Variants in LAMA5 observed in about 807,000 individuals in gnomAD.
LAMA5 encodes laminin subunit alpha 5.
Under a neutral mutation model 433.4 loss-of-function variants are expected in LAMA5, and 260 were observed. That is an observed-to-expected ratio of 0.60 (90% CI 0.54 to 0.66). LAMA5 has a LOEUF of 0.66. Ranked by LOEUF, LAMA5 falls within the 30% of genes least tolerant of loss-of-function variation. LAMA5 has a pLI of 0.00. For missense variants in LAMA5, 5,378 were observed against 5,258.5 expected (o/e 1.02, Z -0.70); for synonymous variants, 2,620 against 2,226.6 (o/e 1.18, Z -4.97).
chr20:62,317,193 G>T, intron 55 of LAMA5, 152 bp downstream of exon 55: 1 of 1,153,036 alleles, frequency 8.7e-7, no homozygotes, highest in Non-Finnish European at 1.2e-6. Context: ...TGTCACTCTG[G>T]GCCCCAGCTT....
chr20:62,351,368 C>A, intron 6 of LAMA5: 1 of 462,932 alleles, frequency 2.2e-6, no homozygotes, highest in Non-Finnish European at 3.9e-6. Flanking sequence ...CCATTGCTGA[C>A]TCCCCTCCAC....
chr20:62,317,016 G>A lies in LAMA5; in HGVS notation c.7519C>T (p.Leu2507=), dbSNP rs753894965. 20 of 1,528,712 alleles carry A rather than the reference G, an allele frequency of 1.3e-5. No homozygotes were observed. Among genetic ancestry groups the A allele is most frequent in the East Asian group, 2.3e-5 (1 of 43,766 alleles). The allele number at this position is 1,528,712 out of a possible 1,614,324, so 94.7% of individuals were successfully genotyped here. Residue 2507 remains leucine, a synonymous_variant, in exon 56 of 80, where the codon CTG becomes TTG. Coordinates refer to ENST00000252999, the MANE Select transcript of LAMA5 (RefSeq NM_005560.6). Reference sequence around the variant, plus strand: ...GTGAGGCGGTCCTGGTTGACGTCCAGGATGATGCTGCAGCGGAAGGGAGGG... The same window carrying A: ...GTGAGGCGGTCCTGGTTGACGTCCAAGATGATGCTGCAGCGGAAGGGAGGG... ...QLALNLSSII[L]DVNQDRLTQR...
chr20:62,333,988 C>G lies in LAMA5; in HGVS notation c.2791G>C (p.Val931Leu). The G allele has an allele frequency of 6.2e-7, 1 of 1,612,912 alleles. No homozygotes were observed. The highest frequency in any genetic ancestry group is 8.5e-7 in the Non-Finnish European group (1 of 1,179,864). ...NLTSPDLFWL[V>L]FRYVNRGAMS... ...GCCCCCCGGTTGACGTATCGGAAGA[C>G]GAGCCAGAAAAGGTCAGGGGAGGTC... The change falls in exon 23 of 80, where the codon GTC becomes CTC. Residue 931 changes from valine (V) to leucine (L), a missense_variant. Transcript: ENST00000252999.
rs190401499 is a variant in LAMA5 at position 62,323,849 on chromosome 20, C to T, written c.5776G>A (p.Glu1926Lys). The T allele has an allele frequency of 4.9e-5, 78 of 1,605,390 alleles. No individual in the cohort carries two copies. In the East Asian group the frequency reaches 7.2e-4, roughly 15 times the overall value. The change falls in exon 44 of 80, where the codon GAG becomes AAG. Residue 1926 changes from glutamate (E) to lysine (K), a missense_variant. Physicochemically the swap from Glu to Lys is moderately conservative, Grantham distance 56 (BLOSUM62 1). Coordinates refer to ENST00000252999, the MANE Select transcript of LAMA5 (RefSeq NM_005560.6). ...CGGCCGCCTCGCAGGACACAGCCCT[C>T]GGCGAAGCTGCAAAGACCAGCAGCG... The part of the protein sequence containing the change: ...PLSVPSNNFA[E>K]GCVLRGGRTQ...
At chr20:62,332,272 TG>T (rs1980611633) in intron 28 of LAMA5, 99 bp downstream of exon 28, 1 of 838,090 alleles carries the variant, frequency 1.2e-6, no homozygotes, top group African/African-American at 1.7e-5. Flanking sequence ...GTGGCCGCCT[TG>T]GGGACCTGGG....
intron 40 of LAMA5, 63 bp downstream of exon 40, chr20:62,326,614 C>A: frequency 7.4e-7 from 1 of 1,357,760 alleles, no homozygotes; most frequent in South Asian, 1.2e-5. Flanking sequence ...GGGACCCCTT[C>A]CGGCCTTCCC....
intron 38 of LAMA5, 68 bp downstream of exon 38, chr20:62,327,165 G>T: frequency 7.1e-7 from 1 of 1,404,388 alleles, no homozygotes; most frequent in Non-Finnish European, 9.4e-7. Context: ...CCCGCTCCTG[G>T]CTCCCAACCC....
In LAMA5 at chr20:62,312,300, G is replaced by C. The variant is rs149357675; in HGVS notation, c.9377C>G (p.Thr3126Ser). Reference protein sequence around the residue: ...TADLLVGRAMTFHGHGFLRLA... With the variant: ...TADLLVGRAMSFHGHGFLRLA... ...GCGAAGGAAGCCGTGGCCATGGAAAGTCATGGCGCGCCCCACCTGCGGGGA... is the reference window on the plus strand; with the variant it reads ...GCGAAGGAAGCCGTGGCCATGGAAACTCATGGCGCGCCCCACCTGCGGGGA... The change falls in exon 69 of 80, where the codon ACT (threonine) becomes AGT (serine). Residue 3126 changes from threonine (T) to serine (S), a missense_variant. By Grantham distance (58) the Thr-to-Ser change is moderately conservative. Transcript: ENST00000252999. 4.6e-5 allele frequency: 74 copies of C among 1,610,208 alleles called. No individual in the cohort carries two copies. The highest frequency in any genetic ancestry group is 5.9e-5 in the Non-Finnish European group (70 of 1,179,468).
intron 18 of LAMA5, among the ~76,000 whole-genome samples, chr20:62,335,698 A>G (rs1349553132): frequency 1.1e-5 from 1 of 92,534 alleles, no homozygotes; most frequent in Non-Finnish European, 2.1e-5. Flanking sequence ...ACACACTAAC[A>G]CCCCCTCCAG....
At chr20:62,355,864 G>A (rs946045954) in intron 2 of LAMA5, among the ~76,000 whole-genome samples, 4 of 152,048 alleles carry the variant, frequency 2.6e-5, no homozygotes, top group African/African-American at 9.7e-5. Flanking sequence ...GACACAGGCT[G>A]TTCTCGGGGA....
chr20:62,363,322 C>T (rs1265956989), intron 1 of LAMA5, among the ~76,000 whole-genome samples: 1 of 152,214 alleles, frequency 6.6e-6, no homozygotes, highest in Admixed American at 6.5e-5. Flanking sequence ...ACAGTAACTG[C>T]TGAGCCTCAA....
rs60260941 is a variant in LAMA5, at chr20:62,320,318, C to CAAAAA, written c.6759+236_6759+240dup. Among the ~76,000 whole-genome samples the CAAAAA allele has an allele frequency of 1.8e-4, 9 of 51,276 alleles. 1 individual carries two copies. Among genetic ancestry groups the CAAAAA allele is most frequent in the African/African-American group, 5.7e-4 (7 of 12,212 alleles). 33.6% of individuals were successfully genotyped at this position (51,276 alleles called of 152,430 possible). A position where few individuals can be genotyped will look rare whatever the true frequency, so the allele number is the denominator to read the frequency against. ...GGGCAACAAGAGCAAAACTGTGTCT[C>CAAAAA]AAAAAAAAAAAAAAAAAAAAAAAAA... On this transcript the variant is annotated intron_variant, in intron 50 of 79. Transcript: ENST00000252999.
chr20:62,359,596 T>C lies in LAMA5; in HGVS notation c.450+2804A>G, dbSNP rs1985732757. 1.3e-5 allele frequency among the ~76,000 whole-genome samples: 2 copies of C among 151,888 alleles called. No individual in the cohort carries two copies. The highest frequency in any genetic ancestry group is 2.9e-5 in the Non-Finnish European group (2 of 67,916). ...TGCAAGGAGATACGCAAGAACCCCCTAGAAGGACCCCCTGGGGAAGGTCAC... is the reference window on the plus strand; with the variant it reads ...TGCAAGGAGATACGCAAGAACCCCCCAGAAGGACCCCCTGGGGAAGGTCAC... On this transcript the variant is annotated intron_variant, in intron 2 of 79. Transcript: ENST00000252999. This position sits in a 1 kb window ranked among gnomAD's most constrained non-coding sequence, Gnocchi z 4.3.
At chr20:62,320,535 C>A (rs1274834544) in intron 50 of LAMA5, 24 bp downstream of exon 50, 4 of 1,556,580 alleles carry the variant, frequency 2.6e-6, no homozygotes, top group Non-Finnish European at 3.5e-6. Context: ...CTCCCGGGGC[C>A]CTGGGGGGTC....
intron 2 of LAMA5, among the ~76,000 whole-genome samples, chr20:62,353,857 C>T (rs1210568123): frequency 2.0e-5 from 3 of 152,154 alleles, no homozygotes; most frequent in Non-Finnish European, 4.4e-5. Context: ...GCCCACTGAG[C>T]CCCCAGGGAC....
At chr20:62,339,457 C>T (rs901714136) in intron 11 of LAMA5, among the ~76,000 whole-genome samples, 7 of 151,974 alleles carry the variant, frequency 4.6e-5, no homozygotes, top group Non-Finnish European at 8.8e-5. Context: ...AGGACGGTCT[C>T]CATCTCCTGA....
In LAMA5 at chr20:62,318,523, C is replaced by G; in HGVS notation, c.7170G>C (p.Arg2390=). The G allele has an allele frequency of 6.2e-7, 1 of 1,609,720 alleles. No homozygotes were observed. The highest frequency in any genetic ancestry group is 8.5e-7 in the Non-Finnish European group (1 of 1,179,030). ...GGGCCTCCCGTGTGGCGTCCACTGC[C>G]CGGTTCAAAGCCTCTCGCAGGTCCA... ...GLMDLREALN[R]AVDATREAQE... Residue 2390 remains arginine (R), a synonymous_variant, in exon 53 of 80, where the codon CGG becomes CGC. Coordinates refer to ENST00000252999, the MANE Select transcript of LAMA5 (RefSeq NM_005560.6).
intron 2 of LAMA5, among the ~76,000 whole-genome samples, chr20:62,360,612 G>GGATGGATA (rs1555886060): frequency 1.1e-5 from 1 of 88,442 alleles, no homozygotes; most frequent in Non-Finnish European, 2.4e-5. Context: ...GTGGGTGGGT[G>GGATGGATA]GATGGGTGGG....
At position 62,326,933 on chromosome 20, in the gene LAMA5, G is replaced by A; in HGVS notation, c.5146C>T (p.Leu1716=). The change falls in exon 39 of 80, where the codon CTG becomes TTG. Residue 1716 remains leucine, a synonymous_variant. Coordinates refer to ENST00000252999, the MANE Select transcript of LAMA5 (RefSeq NM_005560.6). ...SSYGGTLRYE[L]HSETQRGDVF... ...TCTCCCCGCTGGGTCTCTGAGTGCA[G>A]TTCATAACGGAGGGTCCCACCGTAG... is the stretch of plus-strand genomic sequence containing the variant. The A allele has an allele frequency of 6.2e-7, 1 of 1,611,420 alleles. No individual in the cohort carries two copies. Among genetic ancestry groups the A allele is most frequent in the Non-Finnish European group, 8.5e-7 (1 of 1,178,770 alleles).
Sources: allele counts gnomAD v4.1 joint callset (sites outside exome capture counted in the v4.1 genomes callset), GRCh38; gene constraint gnomAD v4.1.1; non-coding constraint Gnocchi (gnomAD v3.1); transcripts MANE v1.5; gene names NCBI Gene and HGNC (gene_info 2026-07-23, HGNC 2026-07-21).